Variants in NR5A2 observed in about 807,000 individuals in gnomAD.
NR5A2 encodes the protein nuclear receptor subfamily 5 group A member 2, also known as CYP7A promoter-binding factor.
Under a neutral mutation model 62.7 loss-of-function variants are expected in NR5A2, and 26 were observed. That is an observed-to-expected ratio of 0.41 (90% CI 0.30 to 0.58). The LOEUF (loss-of-function observed/expected upper bound fraction) is 0.58. Ranked by LOEUF, NR5A2 falls within the 20% of genes least tolerant of loss-of-function variation. The pLI, the probability that NR5A2 is intolerant of heterozygous loss-of-function variation, is 0.22. For synonymous variants in NR5A2, 246 were observed against 241.7 expected, an observed-to-expected ratio of 1.02 and a Z score of -0.16; for missense variants, 541 against 669.1, an observed-to-expected ratio of 0.81 and a Z score of 2.11.
At chr1:200,042,690 C>T (rs2817006) in intron 2 of NR5A2, 93,722 of 453,194 alleles carry the variant, frequency 0.21, 11,575 homozygotes, top group African/African-American at 0.43. Flanking sequence ...GGGCAGGGTC[C>T]CGGCTGCGCA....
chr1:200,129,929 C>T (rs1015593738), intron 7 of NR5A2, among the ~76,000 whole-genome samples: 1 of 152,154 alleles, frequency 6.6e-6, no homozygotes, highest in Non-Finnish European at 1.5e-5. Context: ...CTGTTGGAGT[C>T]TGAGTGCTCC....
intron 7 of NR5A2, among the ~76,000 whole-genome samples, chr1:200,150,389 A>G (rs1349068383): frequency 6.6e-6 from 1 of 152,220 alleles, no homozygotes; most frequent in Non-Finnish European, 1.5e-5. Context: ...AGTAACTATC[A>G]TCTATATTTA....
At chr1:200,063,827 T>G (rs1663342173) in intron 5 of NR5A2, among the ~76,000 whole-genome samples, 1 of 152,214 alleles carries the variant, frequency 6.6e-6, no homozygotes, top group Non-Finnish European at 1.5e-5. Flanking sequence ...CAAACATTTA[T>G]CAAGTTTGTA....
At chr1:200,116,490 G>GTT (rs138388104) in intron 6 of NR5A2, among the ~76,000 whole-genome samples, 3,829 of 152,212 alleles carry the variant, frequency 0.025, 175 homozygotes, top group African/African-American at 0.088. Context: ...CTTAATAAAT[G>GTT]TTTGCAGAAT....
At chr1:200,073,900 G>A (rs1663874778) in intron 5 of NR5A2, among the ~76,000 whole-genome samples, 1 of 152,144 alleles carries the variant, frequency 6.6e-6, no homozygotes. Flanking sequence ...TAATTAGAAT[G>A]GGCAATGGGT....
chr1:200,147,409 C>G lies in NR5A2; in HGVS notation c.1378+26454C>G. 2.2e-6 allele frequency: 1 copy of G among 445,300 alleles called. No individual in the cohort carries two copies. The allele number at this position is 445,300 out of a possible 1,614,324, so 27.6% of individuals were successfully genotyped here. The stretch of plus-strand genomic sequence containing the variant: ...CTCTCGGAGTCTGTATGGGTCTGGG[C>G]GAGATGCAGGCAGCTTATCTGTTTA... On this transcript the variant is annotated intron_variant, in intron 7 of 7. Coordinates refer to ENST00000367362, the MANE Select transcript of NR5A2 (RefSeq NM_205860.3). This position sits in a 1 kb window ranked among gnomAD's most constrained non-coding sequence, Gnocchi z 4.9.
chr1:200,111,525 C>A (rs1164455024), intron 6 of NR5A2, among the ~76,000 whole-genome samples: 2 of 152,128 alleles, frequency 1.3e-5, no homozygotes, highest in African/African-American at 4.8e-5. Context: ...TAATCATGAA[C>A]ATTCTGCTGC....
intron 5 of NR5A2, among the ~76,000 whole-genome samples, chr1:200,064,615 G>T (rs961558704): frequency 1.3e-5 from 2 of 152,166 alleles, no homozygotes; most frequent in African/African-American, 4.8e-5. Context: ...GGGAGCCACT[G>T]GAAAAACTTA....
At chr1:200,081,641 C>T (rs1039328764) in intron 5 of NR5A2, among the ~76,000 whole-genome samples, 2 of 152,144 alleles carry the variant, frequency 1.3e-5, no homozygotes, top group Non-Finnish European at 2.9e-5. Context: ...GCAATGGAAT[C>T]TGCATTGAAA....
chr1:200,050,891 T>C (rs1662598346), intron 5 of NR5A2, among the ~76,000 whole-genome samples: 1 of 152,134 alleles, frequency 6.6e-6, no homozygotes, highest in African/African-American at 2.4e-5. Flanking sequence ...AAACTCCATC[T>C]CAAAAATAAA....
intron 7 of NR5A2, among the ~76,000 whole-genome samples, chr1:200,131,747 A>G (rs898098740): frequency 1.3e-5 from 2 of 152,180 alleles, no homozygotes; most frequent in African/African-American, 4.8e-5. Context: ...TCTGTTCTAC[A>G]ATGGACCAAA....
chr1:200,042,679 CG>C lies in NR5A2; in HGVS notation c.203-1092del, dbSNP rs565808312. ...TCGCCGAAGAGTGCCCGGGGGAGTG[CG>C]GGCAGGGTCCCGGCTGCGCAGACCT... On this transcript the variant is annotated intron_variant, in intron 2 of 7. Coordinates refer to ENST00000367362, the MANE Select transcript of NR5A2 (RefSeq NM_205860.3). 583 of 351,768 alleles carry C rather than the reference CG, an allele frequency of 1.7e-3. 5 individuals are homozygous for C. Among genetic ancestry groups the C allele is most frequent in the African/African-American group, 0.011 (510 of 45,042 alleles). 21.8% of individuals were successfully genotyped at this position (351,768 alleles called of 1,614,324 possible).
Position 200,174,407 on chromosome 1 carries a change from T to C in NR5A2, c.*197T>C. 1 of 471,912 alleles carries C rather than the reference T, an allele frequency of 2.1e-6. No homozygotes were observed. The highest frequency in any genetic ancestry group is 6.5e-5 in the South Asian group (1 of 15,370). The allele number at this position is 471,912 out of a possible 1,614,324, so 29.2% of individuals were successfully genotyped here. A position where few individuals can be genotyped will look rare whatever the true frequency, so the allele number is the denominator to read the frequency against. On this transcript the variant is annotated 3_prime_UTR_variant, in exon 8 of 8. Transcript: ENST00000367362. ...GCAAATAAATGATGTATCAGGGTAT[T>C]TGTATTGCAAACTGTGAATCAAAGG...
rs756874909 is a variant in NR5A2 at position 200,066,588 on chromosome 1, C to CTTTTTTTTTTTT, written c.1110+17776_1110+17787dup. Among the ~76,000 whole-genome samples the CTTTTTTTTTTTT allele has an allele frequency of 1.1e-3, 124 of 113,118 alleles. 9 individuals are homozygous for CTTTTTTTTTTTT. The highest frequency in any genetic ancestry group is 4.1e-3 in the African/African-American group (99 of 24,434). 74.2% of individuals were successfully genotyped at this position (113,118 alleles called of 152,430 possible). On this transcript the variant is annotated intron_variant, in intron 5 of 7. Coordinates refer to ENST00000367362, the MANE Select transcript of NR5A2 (RefSeq NM_205860.3). ...CCCTGCCATCTATTTAATTAATTAT[C>CTTTTTTTTTTTT]TTTTTTTTTTTTTTTTTGAGAGGGA...
intron 6 of NR5A2, among the ~76,000 whole-genome samples, chr1:200,116,950 CTTA>C (rs1215199871): frequency 6.6e-6 from 1 of 152,136 alleles, no homozygotes; most frequent in African/African-American, 2.4e-5. Flanking sequence ...CTACTGGCAA[CTTA>C]TTATCTTCTA....
At chr1:200,086,052 G>A (rs1018867912) in intron 5 of NR5A2, among the ~76,000 whole-genome samples, 6 of 152,078 alleles carry the variant, frequency 3.9e-5, no homozygotes, top group African/African-American at 1.4e-4. Flanking sequence ...TGAGATGGGG[G>A]GTGGTGTTTT....
At chr1:200,047,860 G>A (rs1662442150) in intron 4 of NR5A2, among the ~76,000 whole-genome samples, 1 of 152,076 alleles carries the variant, frequency 6.6e-6, no homozygotes, top group South Asian at 2.1e-4. Flanking sequence ...TTACAGGTGT[G>A]AGCCACCGCA....
intron 5 of NR5A2, among the ~76,000 whole-genome samples, chr1:200,070,894 G>A (rs1663712827): frequency 6.6e-6 from 1 of 152,052 alleles, no homozygotes; most frequent in Non-Finnish European, 1.5e-5. Context: ...TATATGTGCA[G>A]GCTCTCAGGT....
At position 200,075,896 on chromosome 1, in the gene NR5A2, C is replaced by CTTTTCTTTTCTTTTCT. The variant is rs762709648; in HGVS notation, c.1110+27082_1110+27083insCTTTTCTTTTCTTTTT. ...TATAAAAGCTCTTCTGTTTTCTTTT[C>CTTTTCTTTTCTTTTCT]TTTTTTTTTTGTTAAGAAACAATAG... On this transcript the variant is annotated intron_variant, in intron 5 of 7. Coordinates refer to ENST00000367362, the MANE Select transcript of NR5A2 (RefSeq NM_205860.3). 7.9e-3 allele frequency among the ~76,000 whole-genome samples: 1,183 copies of CTTTTCTTTTCTTTTCT among 149,286 alleles called. 15 individuals are homozygous for CTTTTCTTTTCTTTTCT. The highest frequency in any genetic ancestry group is 0.031 in the East Asian group (159 of 5,120).
Sources: gnomAD v4.1 joint callset for allele counts (sites outside exome capture counted in the v4.1 genomes callset) on GRCh38, gnomAD v4.1.1 for gene constraint, Gnocchi (gnomAD v3.1) non-coding constraint, MANE v1.5 for transcripts, NCBI Gene and HGNC (gene_info 2026-07-23, HGNC 2026-07-21) for gene names.